Variants in FARS2 observed in about 807,000 individuals in gnomAD.
The protein encoded by FARS2 is phenylalanyl-tRNA synthetase 2, mitochondrial.
In FARS2, 40 loss-of-function variants were observed where a neutral mutation model predicts 46.4. The observed-to-expected ratio is 0.86, with a 90% confidence interval of 0.67 to 1.12. FARS2 has a LOEUF of 1.12. Among genes scored for constraint, FARS2 ranks in the 50% most tolerant of loss-of-function variants. The pLI is 0.00. For missense variants in FARS2, 513 were observed against 567.9 expected (o/e 0.90, Z 0.98); for synonymous variants, 234 against 214.9 (o/e 1.09, Z -0.78).
At chr6:5,724,089 A>G (rs912581934) in intron 6 of FARS2, among the ~76,000 whole-genome samples, 1 of 152,232 alleles carries the variant, frequency 6.6e-6, no homozygotes, top group Non-Finnish European at 1.5e-5. Context: ...TTTCAATTTC[A>G]GTTCCCTTTT....
intron 6 of FARS2, among the ~76,000 whole-genome samples, chr6:5,638,040 G>A (rs998814100): frequency 1.9e-4 from 29 of 152,160 alleles, no homozygotes; most frequent in Non-Finnish European, 2.9e-4. Flanking sequence ...TCCATCTGAC[G>A]TCCAAGGTGG....
intron 1 of FARS2, among the ~76,000 whole-genome samples, chr6:5,277,045 T>C (rs548784473): frequency 6.6e-6 from 1 of 152,372 alleles, no homozygotes; most frequent in South Asian, 2.1e-4. Flanking sequence ...TGTTTAAGCC[T>C]AATTCAAATA....
intron 6 of FARS2, among the ~76,000 whole-genome samples, chr6:5,620,584 T>A (rs1412033683): frequency 2.6e-5 from 4 of 152,214 alleles, no homozygotes; most frequent in African/African-American, 9.6e-5. Context: ...CATTTCATTT[T>A]CTCACACTTA....
At chr6:5,531,448 AG>A (rs1253261693) in intron 4 of FARS2, among the ~76,000 whole-genome samples, 1 of 152,214 alleles carries the variant, frequency 6.6e-6, no homozygotes, top group Non-Finnish European at 1.5e-5. Context: ...CAGGAAGGAA[AG>A]GGGATGGTCC....
chr6:5,571,349 T>A (rs1474025991), intron 5 of FARS2, among the ~76,000 whole-genome samples: 7 of 152,214 alleles, frequency 4.6e-5, no homozygotes, highest in African/African-American at 1.4e-4. Flanking sequence ...TCAAATTGAT[T>A]TAGATGCTTA....
At chr6:5,742,733 A>G (rs895458441) in intron 6 of FARS2, among the ~76,000 whole-genome samples, 3 of 152,138 alleles carry the variant, frequency 2.0e-5, no homozygotes, top group Admixed American at 6.5e-5. Context: ...GGGTATTGCA[A>G]ACAAGGAAAA....
At chr6:5,285,075 A>G (rs1018621367) in intron 1 of FARS2, among the ~76,000 whole-genome samples, 1 of 152,196 alleles carries the variant, frequency 6.6e-6, no homozygotes, top group African/African-American at 2.4e-5. Flanking sequence ...CCAGGTAGCA[A>G]GGAGAAAAAG....
intron 4 of FARS2, among the ~76,000 whole-genome samples, chr6:5,524,254 A>T (rs745324676): frequency 1.1e-4 from 16 of 152,178 alleles, no homozygotes; most frequent in Non-Finnish European, 2.2e-4. Flanking sequence ...TTGGAAGAGG[A>T]TGTGTGCTGG....
chr6:5,532,217 A>G (rs772833568), intron 4 of FARS2, among the ~76,000 whole-genome samples: 1 of 152,360 alleles, frequency 6.6e-6, no homozygotes, highest in African/African-American at 2.4e-5. Flanking sequence ...GATGTTTTGA[A>G]ATACCTTGAA....
upstream of FARS2, chr6:5,260,675 C>T: frequency 6.6e-6 from 10 of 1,516,454 alleles, no homozygotes; most frequent in Non-Finnish European, 8.9e-6. Flanking sequence ...GAAACGCTTG[C>T]TCTCTCTCAG....
At chr6:5,373,456 C>G (rs545385413) in intron 2 of FARS2, among the ~76,000 whole-genome samples, 8 of 152,082 alleles carry the variant, frequency 5.3e-5, no homozygotes, top group Non-Finnish European at 1.0e-4. Flanking sequence ...GACCCAACTA[C>G]CATATGTGTA....
At chr6:5,297,916 C>T (rs1046203303) in intron 1 of FARS2, among the ~76,000 whole-genome samples, 1 of 152,224 alleles carries the variant, frequency 6.6e-6, no homozygotes, top group Non-Finnish European at 1.5e-5. Context: ...CATCTCCACT[C>T]TACCCATTCC....
At chr6:5,354,351 C>T (rs1462407449) in intron 1 of FARS2, among the ~76,000 whole-genome samples, 1 of 151,988 alleles carries the variant, frequency 6.6e-6, no homozygotes, top group Non-Finnish European at 1.5e-5. Flanking sequence ...TGCTGACCAA[C>T]GGAAATCAAA....
chr6:5,710,231 C>T (rs563500522), intron 6 of FARS2, among the ~76,000 whole-genome samples: 2 of 152,286 alleles, frequency 1.3e-5, no homozygotes, highest in South Asian at 2.1e-4. Flanking sequence ...CGCTGTACAA[C>T]GCAGCATGGT....
chr6:5,432,662 C>T (rs1308903725), intron 4 of FARS2, among the ~76,000 whole-genome samples: 12 of 150,628 alleles, frequency 8.0e-5, no homozygotes, highest in African/African-American at 2.2e-4. Context: ...GAAACCTTTC[C>T]GGCTCTGCTC....
intron 2 of FARS2, among the ~76,000 whole-genome samples, chr6:5,392,989 T>C (rs1466755206): frequency 6.7e-6 from 1 of 149,696 alleles, no homozygotes; most frequent in African/African-American, 2.4e-5. Context: ...TCTGAAAATA[T>C]TTTTAAAATT....
At chr6:5,420,284 C>T (rs1459239186) in intron 3 of FARS2, among the ~76,000 whole-genome samples, 1 of 152,142 alleles carries the variant, frequency 6.6e-6, no homozygotes, top group Non-Finnish European at 1.5e-5. Context: ...CATTCCATCC[C>T]TGGCCCCTCC....
At position 5,409,448 on chromosome 6, in the gene FARS2, CA is replaced by C. The variant is rs879831031; in HGVS notation, c.772+4758del. ...CCTGGGCAACAGAGCGAGACTGACT[CA>C]AAAAAAAAAAGAAACTTAAATTTTA... On this transcript the variant is annotated intron_variant, in intron 3 of 6. Transcript: ENST00000274680. 2.7e-3 allele frequency among the ~76,000 whole-genome samples: 388 copies of C among 141,398 alleles called. 3 individuals carry two copies. The highest frequency in any genetic ancestry group is 8.2e-3 in the African/African-American group (315 of 38,582). 92.8% of individuals were successfully genotyped at this position (141,398 alleles called of 152,430 possible).
intron 1 of FARS2, among the ~76,000 whole-genome samples, chr6:5,347,961 A>G (rs940997302): frequency 6.6e-6 from 1 of 152,242 alleles, no homozygotes; most frequent in African/African-American, 2.4e-5. Context: ...TCATGTGTTT[A>G]TCAGCTTTTT....
Sources: allele counts gnomAD v4.1 joint callset (sites outside exome capture counted in the v4.1 genomes callset), GRCh38; gene constraint gnomAD v4.1.1; transcripts MANE v1.5; gene names NCBI Gene and HGNC (gene_info 2026-07-23, HGNC 2026-07-21).